The following SNAP91 variants were observed in gnomAD, a reference collection of about 807,000 sequenced individuals.
SNAP91 encodes the protein clathrin coat assembly protein AP180.
A neutral mutation model predicts 100.3 loss-of-function variants in SNAP91; 27 were observed. The ratio of observed to expected loss-of-function variants is 0.27; its 90% CI spans 0.20 to 0.37. The LOEUF is 0.37. Ranked by LOEUF, SNAP91 falls within the 10% of genes least tolerant of loss-of-function variation. The probability of loss-of-function intolerance (pLI) is 1.00; values close to 1 mark genes in which losing one functional copy is unlikely to be tolerated. For missense variants in SNAP91, 986 were observed against 1,123.7 expected, an observed-to-expected ratio of 0.88 and a Z score of 1.75; for synonymous variants, 404 against 398.6, an observed-to-expected ratio of 1.01 and a Z score of -0.16.
chr6:83,591,107 A>C, intron 22 of SNAP91, 104 bp downstream of exon 22: 1 of 748,188 alleles, frequency 1.3e-6, no homozygotes, highest in Non-Finnish European at 2.2e-6. Flanking sequence ...GTCTTGAAAG[A>C]AAAAGAAAAC....
At chr6:83,644,253 C>T (rs755574562) in intron 7 of SNAP91, among the ~76,000 whole-genome samples, 36 of 152,098 alleles carry the variant, frequency 2.4e-4, no homozygotes, top group Non-Finnish European at 4.1e-4. Flanking sequence ...TGTTTGTATC[C>T]TTCATGATAA....
intron 16 of SNAP91, among the ~76,000 whole-genome samples, chr6:83,598,949 T>C (rs1412766606): frequency 6.6e-6 from 1 of 152,174 alleles, no homozygotes; most frequent in Non-Finnish European, 1.5e-5. Flanking sequence ...AAAATAATTA[T>C]GATGTGATTT....
intron 8 of SNAP91, among the ~76,000 whole-genome samples, chr6:83,639,692 C>CA (rs2097598553): frequency 6.6e-6 from 1 of 152,120 alleles, no homozygotes; most frequent in African/African-American, 2.4e-5. Context: ...ATCATGAGCC[C>CA]AGCCTTGTAA....
intron 7 of SNAP91, among the ~76,000 whole-genome samples, chr6:83,646,743 G>A (rs1269827507): frequency 2.0e-5 from 3 of 152,100 alleles, no homozygotes; most frequent in African/African-American, 7.2e-5. Context: ...CTGAAATACT[G>A]AATACTATTG....
At chr6:83,683,113 T>C (rs150708590) in intron 2 of SNAP91, among the ~76,000 whole-genome samples, 1 of 152,236 alleles carries the variant, frequency 6.6e-6, no homozygotes, top group East Asian at 1.9e-4. Flanking sequence ...AAGTCATATT[T>C]CCTGGGATTT....
intron 7 of SNAP91, among the ~76,000 whole-genome samples, chr6:83,642,778 A>G (rs1045811876): frequency 3.3e-5 from 5 of 152,134 alleles, no homozygotes; most frequent in Non-Finnish European, 5.9e-5. Context: ...GTCTTCCACA[A>G]TGGTTGAACT....
At chr6:83,605,546 TGC>T in intron 14 of SNAP91, 137 bp downstream of exon 14, 1 of 1,113,274 alleles carries the variant, frequency 9.0e-7, no homozygotes, top group Non-Finnish European at 1.3e-6. Flanking sequence ...AATCAATAAA[TGC>T]CATTCTTAAC....
chr6:83,601,151 T>A, intron 16 of SNAP91, 120 bp downstream of exon 16: 1 of 795,438 alleles, frequency 1.3e-6, no homozygotes, highest in Admixed American at 2.8e-5. Context: ...GAATAAACAT[T>A]GAAAAAGTAC....
intron 3 of SNAP91, among the ~76,000 whole-genome samples, chr6:83,663,147 G>A (rs768163746): frequency 1.8e-4 from 27 of 152,040 alleles, no homozygotes; most frequent in East Asian, 3.8e-4. Context: ...CTGCACCACC[G>A]CTGGTTGTTC....
Position 83,639,283 on chromosome 6 carries a change from A to C in SNAP91, c.765+1813T>G, listed in dbSNP as rs78867751. On this transcript the variant is annotated intron_variant, in intron 8 of 29. Coordinates refer to ENST00000369694, the MANE Select transcript of SNAP91 (RefSeq NM_001242792.2). ...AGAGAGATTTGTACATTGGTTGAAA[A>C]ATTTCTATATTAACCAATCATAACA... Among the ~76,000 whole-genome samples the C allele has an allele frequency of 4.7e-3, 711 of 152,256 alleles. 3 individuals are homozygous for C. The highest frequency in any genetic ancestry group is 0.016 in the African/African-American group (684 of 41,562).
chr6:83,559,940 C>G (rs116035780), intron 28 of SNAP91, among the ~76,000 whole-genome samples, 164 bp downstream of exon 28: 11 of 152,254 alleles, frequency 7.2e-5, no homozygotes, highest in African/African-American at 2.6e-4. Context: ...CTTTTTCCCC[C>G]CCAAATCTCA....
At chr6:83,701,587 C>T (rs1165551917) in intron 2 of SNAP91, among the ~76,000 whole-genome samples, 5 of 152,188 alleles carry the variant, frequency 3.3e-5, no homozygotes, top group East Asian at 1.9e-4. Context: ...GCTGGGATTA[C>T]AGGTGCCTGC....
At chr6:83,655,486 G>T (rs1237691743) in intron 7 of SNAP91, among the ~76,000 whole-genome samples, 1 of 152,124 alleles carries the variant, frequency 6.6e-6, no homozygotes, top group African/African-American at 2.4e-5. Context: ...TCCAATACAG[G>T]CCTCCAGTGC....
chr6:83,685,742 A>G (rs931182770), intron 2 of SNAP91, among the ~76,000 whole-genome samples: 13 of 152,276 alleles, frequency 8.5e-5, no homozygotes, highest in African/African-American at 3.1e-4. Flanking sequence ...TCCTTTGTGC[A>G]TTAAACAAAA....
chr6:83,639,956 A>T (rs568863253), intron 8 of SNAP91, among the ~76,000 whole-genome samples: 1 of 152,194 alleles, frequency 6.6e-6, no homozygotes, highest in Non-Finnish European at 1.5e-5. Flanking sequence ...CAGCAAAAGA[A>T]AAAATTTTAA....
chr6:83,683,574 C>CAG (rs2099021339), intron 2 of SNAP91, among the ~76,000 whole-genome samples: 1 of 152,154 alleles, frequency 6.6e-6, no homozygotes, highest in South Asian at 2.1e-4. Flanking sequence ...AGGTCCCGAC[C>CAG]AGAAGCAGGT....
chr6:83,589,679 T>C (rs746573693), intron 22 of SNAP91, among the ~76,000 whole-genome samples: 6 of 152,098 alleles, frequency 3.9e-5, no homozygotes, highest in Non-Finnish European at 7.4e-5. Context: ...TAGAGAACTA[T>C]TGCCCCTGGG....
At chr6:83,623,879 T>C (rs1231050542) in intron 8 of SNAP91, among the ~76,000 whole-genome samples, 1 of 152,064 alleles carries the variant, frequency 6.6e-6, no homozygotes, top group African/African-American at 2.4e-5. Context: ...TAATAACATA[T>C]TATATATAAT....
intron 26 of SNAP91, among the ~76,000 whole-genome samples, chr6:83,565,681 T>C (rs1795553614): frequency 6.6e-6 from 1 of 152,162 alleles, no homozygotes; most frequent in Non-Finnish European, 1.5e-5. Flanking sequence ...AAAGAAGATA[T>C]ACAAATGATC....
Sources: allele counts gnomAD v4.1 joint callset (sites outside exome capture counted in the v4.1 genomes callset), GRCh38; gene constraint gnomAD v4.1.1; transcripts MANE v1.5; gene names NCBI Gene and HGNC (gene_info 2026-07-23, HGNC 2026-07-21).